Variants in UHRF2 observed in about 807,000 individuals in gnomAD.
The protein encoded by UHRF2 is ubiquitin like with PHD and ring finger domains 2, also known as E3 ubiquitin-protein ligase UHRF2.
UHRF2 carries 23 observed loss-of-function variants against 96.8 expected under a neutral mutation model. The observed-to-expected ratio is 0.24, with a 90% CI of 0.17 to 0.34. The LOEUF is 0.34. Among genes scored for constraint, UHRF2 ranks in the 10% least tolerant of loss-of-function variants. UHRF2 has a pLI of 1.00. For missense variants in UHRF2, 685 were observed against 981.5 expected, an observed-to-expected ratio of 0.70 and a Z score of 4.04; for synonymous variants, 385 against 332.6, an observed-to-expected ratio of 1.16 and a Z score of -1.72.
chr9:6,422,886 A>G (rs947780868), intron 2 of UHRF2: 2 of 381,832 alleles, frequency 5.2e-6, no homozygotes, highest in Non-Finnish European at 9.2e-6. Flanking sequence ...CTTCTAAAAT[A>G]GTAATCTGTT....
At chr9:6,422,607 ACTTAGAT>A in intron 2 of UHRF2, 1 of 616,070 alleles carries the variant, frequency 1.6e-6, no homozygotes, top group South Asian at 2.0e-5. Context: ...TTCTCCATTA[ACTTAGAT>A]CTTTTCTTTT....
intron 2 of UHRF2, 81 bp downstream of exon 2, chr9:6,421,223 CATTG>C (rs1819912101): frequency 1.9e-6 from 2 of 1,030,186 alleles, no homozygotes; most frequent in Non-Finnish European, 2.8e-6. Flanking sequence ...AATAAGTAAA[CATTG>C]ATTGCCATTT....
chr9:6,460,477 A>T, intron 3 of UHRF2, 96 bp from the exon 4 acceptor site: 2 of 1,024,560 alleles, frequency 2.0e-6, no homozygotes, highest in Non-Finnish European at 2.8e-6. Flanking sequence ...TCTTTCTCTT[A>T]GATGATTAAC....
chr9:6,471,514 C>G (rs546438140), intron 4 of UHRF2, among the ~76,000 whole-genome samples: 6 of 152,300 alleles, frequency 3.9e-5, no homozygotes, highest in African/African-American at 1.4e-4. Flanking sequence ...AAGATACCAG[C>G]TTCCATTTTG....
At chr9:6,466,508 C>A (rs1360592534) in intron 4 of UHRF2, among the ~76,000 whole-genome samples, 1 of 147,024 alleles carries the variant, frequency 6.8e-6, no homozygotes, top group Non-Finnish European at 1.5e-5. Context: ...CCACTGTACT[C>A]CAGCCTGGGT....
intron 9 of UHRF2, among the ~76,000 whole-genome samples, chr9:6,491,830 A>G (rs1465891985): frequency 6.6e-6 from 1 of 152,238 alleles, no homozygotes; most frequent in East Asian, 1.9e-4. Context: ...GCCAGGCACA[A>G]TTTAATGGAT....
intron 3 of UHRF2, among the ~76,000 whole-genome samples, chr9:6,446,141 C>A (rs965718712): frequency 1.4e-5 from 2 of 142,544 alleles, no homozygotes; most frequent in African/African-American, 5.1e-5. Flanking sequence ...TACAGGCATA[C>A]GTCACCTCAC....
intron 8 of UHRF2, among the ~76,000 whole-genome samples, chr9:6,484,248 T>TAAC (rs1824110529): frequency 6.6e-6 from 1 of 152,046 alleles, no homozygotes; most frequent in African/African-American, 2.4e-5. Flanking sequence ...TGTTTTGTTT[T>TAAC]GTTTTTTGGT....
chr9:6,418,292 A>G (rs1474899134), intron 1 of UHRF2, among the ~76,000 whole-genome samples: 1 of 150,346 alleles, frequency 6.7e-6, no homozygotes, highest in Non-Finnish European at 1.5e-5. Context: ...TCAAGGAAGC[A>G]ATATTCCCAT....
intron 6 of UHRF2, among the ~76,000 whole-genome samples, chr9:6,479,282 A>G (rs111432389): frequency 2.8e-4 from 43 of 152,274 alleles, no homozygotes; most frequent in African/African-American, 1.0e-3. Flanking sequence ...AGGTTCACAG[A>G]CACTTTTTAT....
At chr9:6,434,742 A>G (rs1402279748) in intron 3 of UHRF2, among the ~76,000 whole-genome samples, 1 of 151,770 alleles carries the variant, frequency 6.6e-6, no homozygotes, top group Non-Finnish European at 1.5e-5. Flanking sequence ...CCTGGCCTCT[A>G]TTAGGTATTT....
intron 6 of UHRF2, among the ~76,000 whole-genome samples, chr9:6,478,852 A>C (rs755624092): frequency 2.0e-5 from 3 of 152,186 alleles, no homozygotes; most frequent in Non-Finnish European, 4.4e-5. Context: ...TTTACCTCCT[A>C]CTACTACCTC....
chr9:6,448,269 A>G (rs1357331272), intron 3 of UHRF2, among the ~76,000 whole-genome samples: 3 of 152,240 alleles, frequency 2.0e-5, no homozygotes, highest in Admixed American at 2.0e-4. Context: ...AAAAAGAGCA[A>G]CCAAATACTC....
intron 14 of UHRF2, among the ~76,000 whole-genome samples, chr9:6,502,883 TTGTC>T (rs539311846): frequency 1.1e-3 from 169 of 152,382 alleles, no homozygotes; most frequent in African/African-American, 3.7e-3. Context: ...TTATAATACT[TTGTC>T]TGTAATATAT....
chr9:6,505,899 T>A (rs2130983417), intron 15 of UHRF2, 134 bp from the exon 16 acceptor site: 1 of 901,332 alleles, frequency 1.1e-6, no homozygotes, highest in East Asian at 2.5e-5. Context: ...TAGTGCAGAT[T>A]CAAGCCTTTA....
intron 9 of UHRF2, among the ~76,000 whole-genome samples, chr9:6,487,383 T>G (rs1824365656): frequency 6.6e-6 from 1 of 152,026 alleles, no homozygotes; most frequent in African/African-American, 2.4e-5. Context: ...ATTTATTTTT[T>G]GAGGCGGAGT....
intron 9 of UHRF2, among the ~76,000 whole-genome samples, chr9:6,491,150 A>G (rs1563802904): frequency 6.6e-6 from 1 of 152,158 alleles, no homozygotes; most frequent in Non-Finnish European, 1.5e-5. Flanking sequence ...AGAAGTGAGG[A>G]CCCACAAAGA....
chr9:6,440,021 C>T (rs753700722), intron 3 of UHRF2, among the ~76,000 whole-genome samples: 14 of 152,072 alleles, frequency 9.2e-5, no homozygotes, highest in Non-Finnish European at 2.1e-4. Flanking sequence ...GTATATCTTC[C>T]TCAATGTTCT....
chr9:6,457,812 G>C (rs1460684757), intron 3 of UHRF2, among the ~76,000 whole-genome samples: 1 of 152,198 alleles, frequency 6.6e-6, no homozygotes, highest in African/African-American at 2.4e-5. Context: ...TATGTTTATT[G>C]ATTTGCATAT....
Sources: allele counts gnomAD v4.1 joint callset (sites outside exome capture counted in the v4.1 genomes callset), GRCh38; gene constraint gnomAD v4.1.1; transcripts MANE v1.5; gene names NCBI Gene and HGNC (gene_info 2026-07-23, HGNC 2026-07-21).